Variants in EXOC4 observed in about 807,000 individuals in gnomAD.
The protein encoded by EXOC4 is SEC8-like 1.
Under a neutral mutation model 107.2 loss-of-function variants are expected in EXOC4, and 71 were observed. The observed-to-expected ratio is 0.66, with a 90% confidence interval of 0.55 to 0.81. The LOEUF is 0.81. Ranked by LOEUF, EXOC4 falls within the 30% of genes least tolerant of loss-of-function variation. The pLI, the probability that EXOC4 is intolerant of heterozygous loss-of-function variation, is 0.00. For synonymous variants in EXOC4, 456 were observed against 441.2 expected, an observed-to-expected ratio of 1.03 and a Z score of -0.42; for missense variants, 1,108 against 1,189.6, an observed-to-expected ratio of 0.93 and a Z score of 1.01.
chr7:133,785,609 T>C (rs1796551344), intron 10 of EXOC4, among the ~76,000 whole-genome samples: 2 of 152,314 alleles, frequency 1.3e-5, no homozygotes, highest in South Asian at 4.1e-4. Flanking sequence ...AATGCCATTA[T>C]TTCCAGTCAC....
At chr7:133,389,711 A>G (rs1335456173) in intron 7 of EXOC4, among the ~76,000 whole-genome samples, 1 of 152,024 alleles carries the variant, frequency 6.6e-6, no homozygotes, top group Admixed American at 6.6e-5. Flanking sequence ...CTATCCTTGC[A>G]GAATTGTGTT....
chr7:133,369,965 C>T (rs1275502620), intron 6 of EXOC4, among the ~76,000 whole-genome samples: 2 of 151,904 alleles, frequency 1.3e-5, no homozygotes, highest in Non-Finnish European at 2.9e-5. Context: ...CCATGACGCC[C>T]AGCTAATTTT....
Position 133,919,301 on chromosome 7 carries a change from C to A in EXOC4, c.2027+1563C>A, listed in dbSNP as rs1799884641. Among the ~76,000 whole-genome samples, 2 of 152,138 alleles carry A rather than the reference C, an allele frequency of 1.3e-5. 1 individual carries two copies. Among genetic ancestry groups the A allele is most frequent in the Admixed American group, 1.3e-4 (2 of 15,276 alleles). On this transcript the variant is annotated intron_variant, in intron 13 of 17. Coordinates refer to ENST00000253861, the MANE Select transcript of EXOC4 (RefSeq NM_021807.4). ...ATAGATCCCCTTACACCTCCCCCAA[C>A]CATTTCCTCTGTTTTTAACATCTTG...
At chr7:133,939,233 C>T (rs1177920340) in intron 14 of EXOC4, among the ~76,000 whole-genome samples, 10 of 151,874 alleles carry the variant, frequency 6.6e-5, no homozygotes, top group Admixed American at 2.0e-4. Context: ...TTTTAATCAC[C>T]GTCATTTGAG....
chr7:133,623,687 G>A (rs1224868690), intron 9 of EXOC4, among the ~76,000 whole-genome samples: 1 of 152,134 alleles, frequency 6.6e-6, no homozygotes, highest in African/African-American at 2.4e-5. Flanking sequence ...GGGTAATACA[G>A]TACCATCACT....
chr7:133,537,374 G>T (rs928583380), intron 9 of EXOC4, among the ~76,000 whole-genome samples: 2 of 149,458 alleles, frequency 1.3e-5, no homozygotes, highest in African/African-American at 2.5e-5. Context: ...GGCCAACCTG[G>T]TCTTGAACTC....
intron 10 of EXOC4, among the ~76,000 whole-genome samples, chr7:133,722,462 T>G (rs1317109683): frequency 2.0e-5 from 3 of 152,196 alleles, no homozygotes; most frequent in African/African-American, 7.2e-5. Flanking sequence ...GCAATATTTT[T>G]TTTTCCACAG....
intron 7 of EXOC4, among the ~76,000 whole-genome samples, chr7:133,422,936 A>AATCCAAAATGAGCTAAATAAGTTTCTTT (rs1298031039): frequency 4.8e-5 from 3 of 61,948 alleles, no homozygotes; most frequent in Non-Finnish European, 6.3e-5. Flanking sequence ...TTAATGGAGC[A>AATCCAAAATGAGCTAAATAAGTTTCTTT]GGCCGGGCGC....
chr7:133,698,207 G>A (rs552233620), intron 10 of EXOC4, among the ~76,000 whole-genome samples: 57 of 152,068 alleles, frequency 3.7e-4, no homozygotes, highest in Non-Finnish European at 7.4e-4. Context: ...TTTCCGCGGC[G>A]GGGGTGGTGG....
intron 10 of EXOC4, among the ~76,000 whole-genome samples, chr7:133,645,907 G>A (rs953496204): frequency 1.3e-5 from 2 of 152,138 alleles, no homozygotes; most frequent in Non-Finnish European, 2.9e-5. Context: ...AGATAAAGAA[G>A]GTCTTTTGTT....
chr7:133,537,389 C>A (rs1357404308), intron 9 of EXOC4, among the ~76,000 whole-genome samples: 2 of 151,634 alleles, frequency 1.3e-5, no homozygotes. Flanking sequence ...GAACTCCTGA[C>A]CTCAAGTCAT....
At chr7:134,054,718 G>A (rs896808072) in intron 17 of EXOC4, among the ~76,000 whole-genome samples, 1 of 152,122 alleles carries the variant, frequency 6.6e-6, no homozygotes, top group African/African-American at 2.4e-5. Flanking sequence ...AATTCATTTT[G>A]CTAGTTATAT....
chr7:133,610,108 A>C (rs976715342), intron 9 of EXOC4, among the ~76,000 whole-genome samples: 4 of 152,224 alleles, frequency 2.6e-5, no homozygotes, highest in Non-Finnish European at 5.9e-5. Context: ...TAAACTTGTT[A>C]TAAATTTAAT....
intron 7 of EXOC4, among the ~76,000 whole-genome samples, chr7:133,394,590 G>C (rs1477326478): frequency 6.6e-6 from 1 of 152,148 alleles, no homozygotes; most frequent in Non-Finnish European, 1.5e-5. Flanking sequence ...GGTCCTTTGG[G>C]AGTTGAGGTG....
chr7:133,914,635 T>TA (rs61237053), intron 12 of EXOC4, among the ~76,000 whole-genome samples: 5 of 149,426 alleles, frequency 3.3e-5, no homozygotes, highest in Non-Finnish European at 4.5e-5. Context: ...AAATAAAAAA[T>TA]AAAAAAAAAG....
At chr7:133,346,126 A>G (rs1035883215) in intron 5 of EXOC4, among the ~76,000 whole-genome samples, 29 of 152,322 alleles carry the variant, frequency 1.9e-4, no homozygotes, top group African/African-American at 5.8e-4. Context: ...GTAGTTGGCC[A>G]GTTTCCTACA....
intron 7 of EXOC4, among the ~76,000 whole-genome samples, chr7:133,417,691 A>T (rs1584900796): frequency 1.3e-5 from 2 of 152,090 alleles, no homozygotes; most frequent in African/African-American, 4.8e-5. Flanking sequence ...TATGAGTAAT[A>T]TCCCCTCTTG....
intron 7 of EXOC4, among the ~76,000 whole-genome samples, chr7:133,399,199 A>G (rs1365434040): frequency 6.6e-6 from 1 of 152,250 alleles, no homozygotes; most frequent in East Asian, 1.9e-4. Context: ...CTTGAAGTTA[A>G]GTAGATGCCG....
intron 6 of EXOC4, among the ~76,000 whole-genome samples, chr7:133,364,641 G>C (rs1584854994): frequency 2.6e-5 from 4 of 152,250 alleles, no homozygotes; most frequent in Admixed American, 2.6e-4. Context: ...AGGACTCTAT[G>C]CCTTAGTTGA....
Sources: allele counts gnomAD v4.1 joint callset (sites outside exome capture counted in the v4.1 genomes callset), GRCh38; gene constraint gnomAD v4.1.1; transcripts MANE v1.5; gene names NCBI Gene and HGNC (gene_info 2026-07-23, HGNC 2026-07-21).